YWHAG: variants seen among roughly 807,000 people sequenced by gnomAD.
The protein encoded by YWHAG is tyrosine 3-monooxygenase/tryptophan 5-monooxygenase activation protein gamma.
YWHAG carries 1 observed loss-of-function variant against 23.3 expected under a neutral mutation model. The observed-to-expected ratio is 0.04, with a 90% CI of 0.02 to 0.20. The LOEUF is 0.20. YWHAG is among the 10% of genes least tolerant of loss of function. The pLI is 1.00. For synonymous variants in YWHAG, 160 were observed against 144.0 expected (o/e 1.11, Z -0.80); for missense variants, 151 against 338.6 (o/e 0.45, Z 4.35).
Position 76,329,489 on chromosome 7 carries a change from T to TTCCCCCCCCCCCC in YWHAG, c.*87_*88insGGGGGGGGGGGGA. 1 of 1,024,228 alleles carries TTCCCCCCCCCCCC rather than the reference T, an allele frequency of 9.8e-7. No individual in the cohort carries two copies. Among genetic ancestry groups the TTCCCCCCCCCCCC allele is most frequent in the Non-Finnish European group, 1.4e-6 (1 of 740,082 alleles). 63.4% of individuals were successfully genotyped at this position (1,024,228 alleles called of 1,614,324 possible). A position where few individuals can be genotyped will look rare whatever the true frequency, so the allele number is the denominator to read the frequency against. ...TCCCTGGGAAGGTCATCCCTCCCTT[T>TTCCCCCCCCCCCC]CCCTCCCCCACCCGACCCCCAACTC... On this transcript the variant is annotated 3_prime_UTR_variant, in exon 2 of 2. Transcript: ENST00000307630. This position sits in a 1 kb window ranked among gnomAD's most constrained non-coding sequence, Gnocchi z 6.1.
In YWHAG at chr7:76,355,714, A is replaced by G. The variant is rs554189652; in HGVS notation, c.87+3008T>C. On this transcript the variant is annotated intron_variant, in intron 1 of 1. Coordinates refer to ENST00000307630, the MANE Select transcript of YWHAG (RefSeq NM_012479.4). ...CCCACTAGGAATATTTAGAAAAATT[A>G]TGATAGCCTTTTGCCACCTTTGCCC... 8.5e-5 allele frequency among the ~76,000 whole-genome samples: 13 copies of G among 152,342 alleles called. No individual in the cohort carries two copies. The East Asian group carries it at 2.5e-3, about 29-fold the overall frequency.
At chr7:76,355,237 C>G (rs779200500) in intron 1 of YWHAG, among the ~76,000 whole-genome samples, 2 of 152,178 alleles carry the variant, frequency 1.3e-5, no homozygotes, top group African/African-American at 2.4e-5. Flanking sequence ...TCGATAAAAA[C>G]ACATCGTTTT....
At chr7:76,332,544 A>G (rs1451425970) in intron 1 of YWHAG, among the ~76,000 whole-genome samples, 1 of 152,132 alleles carries the variant, frequency 6.6e-6, no homozygotes, top group East Asian at 1.9e-4. Context: ...TTTTTGAGAC[A>G]TGGTCTTACT....
At chr7:76,331,354 T>C (rs557315826) in intron 1 of YWHAG, among the ~76,000 whole-genome samples, 23 of 152,192 alleles carry the variant, frequency 1.5e-4, no homozygotes, top group African/African-American at 5.1e-4. Flanking sequence ...TTGTTCCGTG[T>C]TGATCAACTG....
At chr7:76,337,748 C>T (rs1479390296) in intron 1 of YWHAG, among the ~76,000 whole-genome samples, 1 of 152,030 alleles carries the variant, frequency 6.6e-6, no homozygotes, top group Non-Finnish European at 1.5e-5. Flanking sequence ...TTTGGCCAGG[C>T]TGGTCTTGAA....
intron 1 of YWHAG, among the ~76,000 whole-genome samples, chr7:76,332,490 AAT>A (rs758174940): frequency 2.0e-5 from 3 of 152,192 alleles, no homozygotes; most frequent in Non-Finnish European, 4.4e-5. Context: ...TTCATAAGGT[AAT>A]ATACAGGTAT....
At chr7:76,341,649 T>A (rs1013154814) in intron 1 of YWHAG, among the ~76,000 whole-genome samples, 3 of 152,146 alleles carry the variant, frequency 2.0e-5, no homozygotes, top group Non-Finnish European at 4.4e-5. Flanking sequence ...AGACCGCATA[T>A]TGTTTGATTC....
intron 1 of YWHAG, among the ~76,000 whole-genome samples, chr7:76,333,519 G>T (rs1187697615): frequency 6.6e-6 from 1 of 152,306 alleles, no homozygotes; most frequent in East Asian, 1.9e-4. Context: ...ATTTCCTAAC[G>T]ATCTCCCAGC....
rs1477716024 is a variant in YWHAG, at chr7:76,358,664, C to G, written c.87+58G>C. 1.3e-5 allele frequency: 19 copies of G among 1,502,460 alleles called. 1 individual carries two copies. The highest frequency in any genetic ancestry group is 1.6e-5 in the Non-Finnish European group (18 of 1,110,804). The allele number at this position is 1,502,460 out of a possible 1,614,324, so 93.1% of individuals were successfully genotyped here. On this transcript the variant is annotated intron_variant, in intron 1 of 1. Transcript: ENST00000307630. Reference sequence around the variant, plus strand: ...GCGACGAAGCCCCGGGCCTTCCACGCCAAGGACCGCGTCTTCGGAGGGGCA... The same window carrying G: ...GCGACGAAGCCCCGGGCCTTCCACGGCAAGGACCGCGTCTTCGGAGGGGCA...
rs1803468773 is a variant in YWHAG, at chr7:76,327,689, C to CCCCCCCCCCCA, written c.*1887_*1888insTGGGGGGGGGG. On this transcript the variant is annotated 3_prime_UTR_variant, in exon 2 of 2. Transcript: ENST00000307630. ...CCCTGCCCCCCCCCCCCTCCCCCCC[C>CCCCCCCCCCCA]AAATCGTCTTCCTCCCATGGCAATG... 1 of 110,174 alleles carries CCCCCCCCCCCA rather than the reference C, an allele frequency of 9.1e-6. No homozygotes were observed. The highest frequency in any genetic ancestry group is 4.0e-5 in the African/African-American group (1 of 25,202). 6.8% of individuals were successfully genotyped at this position (110,174 alleles called of 1,614,324 possible). A position where few individuals can be genotyped will look rare whatever the true frequency, so the allele number is the denominator to read the frequency against.
chr7:76,335,640 T>C (rs558816077), intron 1 of YWHAG, among the ~76,000 whole-genome samples: 8 of 152,272 alleles, frequency 5.3e-5, no homozygotes, highest in Non-Finnish European at 1.0e-4. Flanking sequence ...TTTCCTTATC[T>C]ACCAAGAACC....
At chr7:76,332,696 T>C (rs1004679536) in intron 1 of YWHAG, among the ~76,000 whole-genome samples, 7 of 151,508 alleles carry the variant, frequency 4.6e-5, no homozygotes, top group Admixed American at 3.3e-4. Context: ...GATTTCTTTT[T>C]TTTTTTTTTT....
chr7:76,342,929 GA>G (rs1440740425), intron 1 of YWHAG, among the ~76,000 whole-genome samples: 1 of 152,096 alleles, frequency 6.6e-6, no homozygotes, highest in Non-Finnish European at 1.5e-5. Flanking sequence ...CTGAGGTCAG[GA>G]ATTCGAGACC....
intron 1 of YWHAG, among the ~76,000 whole-genome samples, chr7:76,334,030 AG>A (rs1249321038): frequency 6.6e-6 from 1 of 152,244 alleles, no homozygotes; most frequent in African/African-American, 2.4e-5. Context: ...ATGAAATGCC[AG>A]GATCACCTTT....
chr7:76,330,125 T>C lies in YWHAG; in HGVS notation c.196A>G (p.Ile66Val). The C allele has an allele frequency of 6.2e-7, 1 of 1,614,160 alleles. No homozygotes were observed. Among genetic ancestry groups the C allele is most frequent in the Non-Finnish European group, 8.5e-7 (1 of 1,180,038 alleles). ...RRSSWRVISS[I>V]EQKTSADGNE... ...CCGTCTGCAGATGTCTTCTGCTCAATGCTACTGATGACCCTCCAGGAAGAG... is the reference window on the plus strand; with the variant it reads ...CCGTCTGCAGATGTCTTCTGCTCAACGCTACTGATGACCCTCCAGGAAGAG... Residue 66 changes from isoleucine (I) to valine (V), a missense_variant, in exon 2 of 2, where the codon ATT (isoleucine) becomes GTT (valine). Transcript: ENST00000307630.
At chr7:76,342,956 A>C (rs771226321) in intron 1 of YWHAG, among the ~76,000 whole-genome samples, 18 of 152,130 alleles carry the variant, frequency 1.2e-4, no homozygotes, top group Non-Finnish European at 2.5e-4. Flanking sequence ...AGCCAACATC[A>C]TGAAGCCCCG....
intron 1 of YWHAG, among the ~76,000 whole-genome samples, chr7:76,353,773 A>G (rs1416371284): frequency 1.3e-5 from 2 of 152,168 alleles, no homozygotes; most frequent in African/African-American, 2.4e-5. Flanking sequence ...TAGCTGCATT[A>G]TAATTATAGA....
At position 76,349,019 on chromosome 7, in the gene YWHAG, A is replaced by G. The variant is rs6952178; in HGVS notation, c.87+9703T>C. Among the ~76,000 whole-genome samples the G allele has an allele frequency of 1.6e-3, 241 of 152,190 alleles. 1 individual carries two copies. The highest frequency in any genetic ancestry group is 5.5e-3 in the African/African-American group (229 of 41,530). On this transcript the variant is annotated intron_variant, in intron 1 of 1. Coordinates refer to ENST00000307630, the MANE Select transcript of YWHAG (RefSeq NM_012479.4). Reference sequence around the variant, plus strand: ...ACAGTAAACGTCAAACTATATTACAATATTTCATCTAAGTGTGTAATTTAA... The same window carrying G: ...ACAGTAAACGTCAAACTATATTACAGTATTTCATCTAAGTGTGTAATTTAA...
At chr7:76,343,169 C>T (rs1156814387) in intron 1 of YWHAG, among the ~76,000 whole-genome samples, 4 of 150,422 alleles carry the variant, frequency 2.7e-5, no homozygotes, top group African/African-American at 9.7e-5. Context: ...TGTGTAAAAG[C>T]TGTTGTAAAC....
Sources: allele counts gnomAD v4.1 joint callset (sites outside exome capture counted in the v4.1 genomes callset), GRCh38; gene constraint gnomAD v4.1.1; non-coding constraint Gnocchi (gnomAD v3.1); transcripts MANE v1.5; gene names NCBI Gene and HGNC (gene_info 2026-07-23, HGNC 2026-07-21).